Variants in HTR4 observed in about 807,000 individuals in gnomAD.
HTR4 encodes the protein 5-hydroxytryptamine (serotonin) receptor 4, G protein-coupled.
HTR4 carries 16 observed loss-of-function variants against 36.8 expected under a neutral mutation model. That is an observed-to-expected ratio of 0.43 (90% confidence interval 0.29 to 0.66). HTR4 has a LOEUF of 0.66. Ranked by LOEUF, HTR4 falls within the 30% of genes least tolerant of loss-of-function variation. The probability of loss-of-function intolerance (pLI) is 0.13; values close to 1 mark genes in which losing one functional copy is unlikely to be tolerated. For missense variants in HTR4, 438 were observed against 490.9 expected (o/e 0.89, Z 1.02); for synonymous variants, 189 against 185.1 (o/e 1.02, Z -0.17).
chr5:148,495,148 G>A (rs1756629035), intron 6 of HTR4, among the ~76,000 whole-genome samples: 1 of 152,202 alleles, frequency 6.6e-6, no homozygotes, highest in Non-Finnish European at 1.5e-5. Context: ...CAAAGCTAAA[G>A]TTTGCATACA....
At chr5:148,640,360 A>G (rs2127310845) in intron 1 of HTR4, among the ~76,000 whole-genome samples, 1 of 152,334 alleles carries the variant, frequency 6.6e-6, no homozygotes, top group South Asian at 2.1e-4. Flanking sequence ...GTCGATCAGA[A>G]TAGTCCATTC....
intron 6 of HTR4, among the ~76,000 whole-genome samples, chr5:148,507,550 A>C (rs2113767212): frequency 6.7e-6 from 1 of 149,688 alleles, no homozygotes; most frequent in African/African-American, 2.5e-5. Flanking sequence ...TAAAATGGTA[A>C]TTGTACTCAT....
In HTR4 at chr5:148,585,955, AGTTTTATT is replaced by A. The variant is rs1761329898; in HGVS notation, c.27-35701_27-35694del. 2.6e-5 allele frequency among the ~76,000 whole-genome samples: 4 copies of A among 152,110 alleles called. No homozygotes were observed. In the South Asian group the frequency reaches 8.3e-4, roughly 32 times the overall value. On this transcript the variant is annotated intron_variant, in intron 2 of 6. Transcript: ENST00000377888. ...TTACTTCTGGTTGGCCTTCATCCCT[AGTTTTATT>A]TGTATGGCATTCATTCACCATTTCA...
chr5:148,547,776 A>G (rs138701006), intron 4 of HTR4, among the ~76,000 whole-genome samples: 2 of 151,994 alleles, frequency 1.3e-5, no homozygotes, highest in Non-Finnish European at 2.9e-5. Flanking sequence ...AAAGTGATCT[A>G]TCCCAAGACT....
Position 148,523,246 on chromosome 5 carries a change from T to C in HTR4, c.454A>G (p.Ile152Val), listed in dbSNP as rs1581421204. ...LGGCWVIPTF[I>V]SFLPIMQGWN... Reference sequence around the variant, plus strand: ...CCTTGCATTATAGGGAGAAAAGAAATAAACGTGGGGATGACCCAGCAGCCT... The same window carrying C: ...CCTTGCATTATAGGGAGAAAAGAAACAAACGTGGGGATGACCCAGCAGCCT... The change falls in exon 5 of 7, where the codon ATT (isoleucine) becomes GTT (valine). Residue 152 changes from isoleucine to valine, a missense_variant. Transcript: ENST00000377888. 6.2e-7 allele frequency: 1 copy of C among 1,613,442 alleles called. No homozygotes were observed. The highest frequency in any genetic ancestry group is 8.5e-7 in the Non-Finnish European group (1 of 1,179,758).
intron 2 of HTR4, among the ~76,000 whole-genome samples, chr5:148,599,790 T>C (rs530089796): frequency 6.6e-6 from 1 of 152,118 alleles, no homozygotes; most frequent in East Asian, 1.9e-4. Context: ...AGATTTAATA[T>C]GCAAAACATC....
chr5:148,517,433 C>T (rs1392912106), intron 5 of HTR4, among the ~76,000 whole-genome samples: 1 of 152,024 alleles, frequency 6.6e-6, no homozygotes, highest in Non-Finnish European at 1.5e-5. Flanking sequence ...AAGCTCCTTA[C>T]TGGACATCTC....
At position 148,509,365 on chromosome 5, in the gene HTR4, G is replaced by A; in HGVS notation, c.1076+91C>T. ...TTTGCAAACTCTATGCAGGTTTCAGGGATAACCCCTTTGGAAACAGAAAAC... is the reference window on the plus strand; with the variant it reads ...TTTGCAAACTCTATGCAGGTTTCAGAGATAACCCCTTTGGAAACAGAAAAC... On this transcript the variant is annotated intron_variant, in intron 6 of 6. Transcript: ENST00000377888. 3.2e-6 allele frequency: 3 copies of A among 943,104 alleles called. No individual in the cohort carries two copies. In the South Asian group the frequency reaches 5.2e-5, roughly 16 times the overall value. 58.4% of individuals were successfully genotyped at this position (943,104 alleles called of 1,614,324 possible).
intron 4 of HTR4, among the ~76,000 whole-genome samples, chr5:148,529,723 T>C (rs1290318447): frequency 1.3e-5 from 2 of 152,176 alleles, no homozygotes; most frequent in Non-Finnish European, 2.9e-5. Context: ...GAGGTTGGAA[T>C]AGTATGGAGG....
At chr5:148,536,559 A>G (rs1309431974) in intron 4 of HTR4, among the ~76,000 whole-genome samples, 2 of 152,192 alleles carry the variant, frequency 1.3e-5, no homozygotes, top group African/African-American at 4.8e-5. Flanking sequence ...CTACCAAGCA[A>G]ATGGAAAACA....
intron 5 of HTR4, among the ~76,000 whole-genome samples, chr5:148,519,800 A>T (rs1180456029): frequency 6.6e-6 from 1 of 152,080 alleles, no homozygotes. Flanking sequence ...CATATTTTGC[A>T]TTGTGTGCTT....
intron 2 of HTR4, among the ~76,000 whole-genome samples, chr5:148,616,459 T>C (rs896752744): frequency 6.6e-6 from 1 of 152,128 alleles, no homozygotes; most frequent in African/African-American, 2.4e-5. Context: ...GTCCATTCAC[T>C]CAGCTGATAA....
chr5:148,458,048 T>C (rs1755158420), intron 5 of HTR4, among the ~76,000 whole-genome samples: 1 of 137,646 alleles, frequency 7.3e-6, no homozygotes, highest in Non-Finnish European at 1.5e-5. Context: ...TATATTAAAA[T>C]ATATTATATT....
At chr5:148,548,898 C>T (rs1561612474) in intron 3 of HTR4, 30 bp from the exon 4 acceptor site, 5 of 1,539,042 alleles carry the variant, frequency 3.2e-6, no homozygotes, top group Non-Finnish European at 4.5e-6. Context: ...AGAGAGGAGG[C>T]AGGGGGAGGG....
intron 5 of HTR4, among the ~76,000 whole-genome samples, chr5:148,458,092 ATATTTT>A (rs1187699238): frequency 1.9e-5 from 1 of 53,438 alleles, no homozygotes; most frequent in African/African-American, 4.8e-5. Context: ...AAAATATATT[ATATTTT>A]AATATCTATT....
chr5:148,467,460 T>C (rs996946334), intron 5 of HTR4, among the ~76,000 whole-genome samples: 2 of 152,174 alleles, frequency 1.3e-5, no homozygotes. Context: ...TGTCTGAAAT[T>C]ACTGAGCAAA....
chr5:148,503,035 C>A (rs561631415), intron 6 of HTR4, among the ~76,000 whole-genome samples: 5 of 152,094 alleles, frequency 3.3e-5, no homozygotes, highest in Admixed American at 1.3e-4. Flanking sequence ...CTGAAAGTGA[C>A]GGGGAGAATG....
rs1206868544 is a variant in HTR4, at chr5:148,481,673, C to T, written c.*1530G>A. On this transcript the variant is annotated 3_prime_UTR_variant, in exon 7 of 7. Coordinates refer to ENST00000377888, the MANE Select transcript of HTR4 (RefSeq NM_000870.7). ...GAAACAATAACTGACACCTTATAAG[C>T]AATAAGAAAAAAAGAGAATATGATA... 3 of 1,483,322 alleles carry T rather than the reference C, an allele frequency of 2.0e-6. No homozygotes were observed. Among genetic ancestry groups the T allele is most frequent in the Middle Eastern group, 3.6e-4 (2 of 5,500 alleles). The allele number at this position is 1,483,322 out of a possible 1,614,324, so 91.9% of individuals were successfully genotyped here.
intron 5 of HTR4, among the ~76,000 whole-genome samples, chr5:148,454,835 G>A (rs889089852): frequency 8.5e-5 from 13 of 152,134 alleles, no homozygotes; most frequent in South Asian, 6.2e-4. Context: ...GGCCTGGCCA[G>A]GACCAAGGTC....
Sources: allele counts gnomAD v4.1 joint callset (sites outside exome capture counted in the v4.1 genomes callset), GRCh38; gene constraint gnomAD v4.1.1; transcripts MANE v1.5; gene names NCBI Gene and HGNC (gene_info 2026-07-23, HGNC 2026-07-21).